SLCO3A1: variants seen among roughly 807,000 people sequenced by gnomAD.
The protein encoded by SLCO3A1 is PGE1 transporter.
In SLCO3A1, 27 loss-of-function variants were observed where a neutral mutation model predicts 63.1. The ratio of observed to expected loss-of-function variants is 0.43; its 90% CI spans 0.32 to 0.59. SLCO3A1 has a LOEUF of 0.59. Among genes scored for constraint, SLCO3A1 ranks in the 20% least tolerant of loss-of-function variants. SLCO3A1 has a pLI of 0.09. For missense variants in SLCO3A1, 773 were observed against 945.8 expected (o/e 0.82, Z 2.40); for synonymous variants, 473 against 409.9 (o/e 1.15, Z -1.86).
intron 1 of SLCO3A1, among the ~76,000 whole-genome samples, chr15:91,880,515 T>A (rs1398533245): frequency 6.6e-6 from 1 of 152,016 alleles, no homozygotes; most frequent in Non-Finnish European, 1.5e-5. Flanking sequence ...ATTGCCACAG[T>A]CTCTCCTGCT....
At chr15:92,018,803 G>A (rs536716478) in intron 2 of SLCO3A1, among the ~76,000 whole-genome samples, 17 of 152,228 alleles carry the variant, frequency 1.1e-4, no homozygotes, top group South Asian at 4.1e-4. Flanking sequence ...CATTTCAGTC[G>A]CCCTCCCAGT....
intron 2 of SLCO3A1, among the ~76,000 whole-genome samples, chr15:92,011,560 A>G (rs954464810): frequency 2.0e-5 from 3 of 152,214 alleles, no homozygotes; most frequent in Admixed American, 6.5e-5. Context: ...GGGTCACCCT[A>G]TGTAAAATGC....
intron 1 of SLCO3A1, among the ~76,000 whole-genome samples, chr15:91,867,507 CTT>C (rs34607768): frequency 0.025 from 3,639 of 143,174 alleles, 124 homozygotes; most frequent in East Asian, 0.091. Context: ...TTATATTTGA[CTT>C]TTTTTTTTTT....
At chr15:91,906,318 C>T (rs1449087836) in intron 1 of SLCO3A1, among the ~76,000 whole-genome samples, 4 of 152,008 alleles carry the variant, frequency 2.6e-5, no homozygotes, top group African/African-American at 9.7e-5. Flanking sequence ...TTCTTTATTC[C>T]GGTAGAGAGA....
At chr15:91,944,017 A>T (rs1458058745) in intron 2 of SLCO3A1, among the ~76,000 whole-genome samples, 5 of 152,066 alleles carry the variant, frequency 3.3e-5, no homozygotes, top group African/African-American at 1.2e-4. Flanking sequence ...GAAACTTTTG[A>T]GCGTGCCATT....
At chr15:91,884,477 G>A (rs920897502) in intron 1 of SLCO3A1, among the ~76,000 whole-genome samples, 177 of 142,844 alleles carry the variant, frequency 1.2e-3, no homozygotes, top group African/African-American at 4.3e-3. Flanking sequence ...GCGTCACTGC[G>A]CTCCACCCTG....
At chr15:91,879,373 A>G (rs1464715723) in intron 1 of SLCO3A1, among the ~76,000 whole-genome samples, 3 of 151,580 alleles carry the variant, frequency 2.0e-5, no homozygotes, top group African/African-American at 7.3e-5. Context: ...GGAAACAGTG[A>G]TGTCATTGGT....
intron 9 of SLCO3A1, chr15:92,151,225 T>A (rs1459424715): frequency 8.0e-6 from 4 of 497,982 alleles, no homozygotes; most frequent in African/African-American, 7.8e-5. Flanking sequence ...TTATACCAAC[T>A]CTTATCTTCA....
intron 2 of SLCO3A1, among the ~76,000 whole-genome samples, chr15:91,965,966 C>G (rs1423515676): frequency 6.6e-6 from 1 of 152,100 alleles, no homozygotes; most frequent in Admixed American, 6.5e-5. Flanking sequence ...GTGAAGCTTT[C>G]TGAATTCGGT....
At chr15:92,016,254 T>TTGATTAGATAGATAGA (rs1555424442) in intron 2 of SLCO3A1, among the ~76,000 whole-genome samples, 1,026 of 95,708 alleles carry the variant, frequency 0.011, 7 homozygotes, top group Non-Finnish European at 0.013. Flanking sequence ...GATAGATAGA[T>TTGATTAGATAGATAGA]TAGATAGATA....
At chr15:92,157,255 A>C (rs2048382582) in intron 9 of SLCO3A1, 1 of 152,184 alleles carries the variant, frequency 6.6e-6, no homozygotes, top group African/African-American at 2.4e-5. Context: ...GGGAGAAGAC[A>C]AGATAAAAAA....
At position 91,873,685 on chromosome 15, in the gene SLCO3A1, C is replaced by G. The variant is rs138492143; in HGVS notation, c.180+19597C>G. ...AAACTATGGTCATTTCCCTATAAAA[C>G]TGCAACCCTACTATCACTCCTAACA... On this transcript the variant is annotated intron_variant, in intron 1 of 9. Coordinates refer to ENST00000318445, the MANE Select transcript of SLCO3A1 (RefSeq NM_013272.4). 2.0e-4 allele frequency among the ~76,000 whole-genome samples: 31 copies of G among 152,246 alleles called. No homozygotes were observed. In the Middle Eastern group the frequency reaches 0.01, roughly 50 times the overall value.
At chr15:92,088,759 C>T (rs1264620243) in intron 2 of SLCO3A1, among the ~76,000 whole-genome samples, 1 of 152,200 alleles carries the variant, frequency 6.6e-6, no homozygotes, top group African/African-American at 2.4e-5. Context: ...CTCTCTGGCT[C>T]TGCCATCACA....
chr15:92,028,907 A>AGGTGTGTGTGTGTGTG (rs2046609803), intron 2 of SLCO3A1, among the ~76,000 whole-genome samples: 1 of 20,090 alleles, frequency 5.0e-5, no homozygotes, highest in Non-Finnish European at 8.4e-5. Flanking sequence ...CTGCAGGCAC[A>AGGTGTGTGTGTGTGTG]AGTGTGTGTG....
At chr15:92,142,788 A>G (rs1297795234) in intron 7 of SLCO3A1, among the ~76,000 whole-genome samples, 1 of 152,130 alleles carries the variant, frequency 6.6e-6, no homozygotes, top group African/African-American at 2.4e-5. Context: ...ATCCCATTCC[A>G]TGAGTGCCAT....
rs535724250 is a variant in SLCO3A1, at chr15:92,051,821, G to T, written c.647-43060G>T. 3.3e-5 allele frequency among the ~76,000 whole-genome samples: 5 copies of T among 152,302 alleles called. No homozygotes were observed. The South Asian group carries it at 1.0e-3, about 32-fold the overall frequency. ...TGATGGCCTCCTCCCTCTCCTTTTA[G>T]TTCAAGCTGGACAGAAACAAAAGTG... On this transcript the variant is annotated intron_variant, in intron 2 of 9. Transcript: ENST00000318445.
In SLCO3A1 at chr15:91,916,137, A is replaced by C. The variant is rs1454738943; in HGVS notation, c.325A>C (p.Ile109Leu). The C allele has an allele frequency of 6.2e-7, 1 of 1,609,592 alleles. No individual in the cohort carries two copies. The highest frequency in any genetic ancestry group is 1.3e-5 in the African/African-American group (1 of 74,998). ...FGARGHRPRLIGCGGIVMALG... is the reference protein window; with the variant it reads ...FGARGHRPRLLGCGGIVMALG... The stretch of plus-strand genomic sequence containing the variant: ...GGCACGCGGGCACCGGCCGCGCCTG[A>C]TCGGCTGCGGCGGCATCGTCATGGC... Residue 109 changes from isoleucine (I) to leucine (L), a missense_variant, in exon 2 of 10, where the codon ATC (isoleucine) becomes CTC (leucine). Around this residue, in one of 3 missense-constraint regions of SLCO3A1, gnomAD observed 565 missense variants for 749.8 expected, o/e 0.75. Transcript: ENST00000318445. The surrounding 1 kb of genome is among the most constrained non-coding windows in gnomAD (Gnocchi z 6.2).
At chr15:92,050,345 A>C (rs902246958) in intron 2 of SLCO3A1, among the ~76,000 whole-genome samples, 1 of 152,202 alleles carries the variant, frequency 6.6e-6, no homozygotes, top group Admixed American at 6.5e-5. Flanking sequence ...AATTTATTGC[A>C]AGCTTTAAGA....
downstream of SLCO3A1, among the ~76,000 whole-genome samples, chr15:92,169,449 C>T (rs557137259): frequency 2.8e-4 from 42 of 152,222 alleles, no homozygotes; most frequent in Non-Finnish European, 5.1e-4. Context: ...TCCCACGTGC[C>T]TCCTGATGTA....
Sources: allele counts gnomAD v4.1 joint callset (sites outside exome capture counted in the v4.1 genomes callset), GRCh38; gene constraint gnomAD v4.1.1; regional missense constraint gnomAD v4.1.1; non-coding constraint Gnocchi (gnomAD v3.1); transcripts MANE v1.5; gene names NCBI Gene and HGNC (gene_info 2026-07-23, HGNC 2026-07-21).